PLGRKT: variants seen among roughly 807,000 people sequenced by gnomAD.
PLGRKT encodes the protein plasminogen receptor (KT).
A neutral mutation model predicts 18.5 loss-of-function variants in PLGRKT; 22 were observed. The observed-to-expected ratio is 1.19, with a 90% CI of 0.85 to 1.70. PLGRKT has a LOEUF of 1.70. PLGRKT is among the 40% of genes most tolerant of loss of function. The pLI is 0.00. For missense variants in PLGRKT, 235 were observed against 174.4 expected (o/e 1.35, Z -1.96); for synonymous variants, 72 against 52.8 (o/e 1.36, Z -1.58).
chr9:5,387,055 T>C (rs78673753), intron 3 of PLGRKT, among the ~76,000 whole-genome samples: 1 of 151,974 alleles, frequency 6.6e-6, no homozygotes, highest in African/African-American at 2.4e-5. Flanking sequence ...CTTTAATGTG[T>C]GTGTGAATCA....
intron 3 of PLGRKT, among the ~76,000 whole-genome samples, chr9:5,375,547 G>C (rs1335502946): frequency 6.6e-6 from 1 of 152,138 alleles, no homozygotes; most frequent in Non-Finnish European, 1.5e-5. Flanking sequence ...TAATCTTAGA[G>C]AGGCAAAGAT....
chr9:5,405,590 A>T (rs755705461), intron 3 of PLGRKT, among the ~76,000 whole-genome samples: 4 of 152,142 alleles, frequency 2.6e-5, no homozygotes, highest in Non-Finnish European at 5.9e-5. Flanking sequence ...CCTTCCTTAC[A>T]CCCTATAAAA....
chr9:5,381,441 C>T (rs1317186664), intron 3 of PLGRKT, among the ~76,000 whole-genome samples: 2 of 152,252 alleles, frequency 1.3e-5, no homozygotes, highest in Non-Finnish European at 2.9e-5. Flanking sequence ...CAAACCTTGA[C>T]AGCTTCCACG....
rs554323901 is a variant in PLGRKT, at chr9:5,367,023, A to G, written c.82-5135T>C. 1.6e-4 allele frequency among the ~76,000 whole-genome samples: 10 copies of G among 63,816 alleles called. No individual in the cohort carries two copies. In the East Asian group the frequency reaches 2.8e-3, roughly 18 times the overall value. 41.9% of individuals were successfully genotyped at this position (63,816 alleles called of 152,430 possible). Reference sequence around the variant, plus strand: ...CCATTTACAACAGACAGACAGATACACACACATACACACACACACACACAC... The same window carrying G: ...CCATTTACAACAGACAGACAGATACGCACACATACACACACACACACACAC... On this transcript the variant is annotated intron_variant, in intron 3 of 5. Transcript: ENST00000223864.
At chr9:5,359,818 G>A (rs1817223527) in intron 5 of PLGRKT, among the ~76,000 whole-genome samples, 4 of 152,118 alleles carry the variant, frequency 2.6e-5, no homozygotes, top group Admixed American at 2.6e-4. Flanking sequence ...CAGTATGCTG[G>A]TGAATATTTA....
Position 5,418,406 on chromosome 9 carries a change from A to G in PLGRKT, c.81+13491T>C, listed in dbSNP as rs951017886. ...GTCACAGTCAAGCGCTTAGAAATGCAGGACATGTTATGGAGCACGATGCTG... is the reference window on the plus strand; with the variant it reads ...GTCACAGTCAAGCGCTTAGAAATGCGGGACATGTTATGGAGCACGATGCTG... On this transcript the variant is annotated intron_variant, in intron 3 of 5. Coordinates refer to ENST00000223864, the MANE Select transcript of PLGRKT (RefSeq NM_018465.4). This position sits in a 1 kb window ranked among gnomAD's most constrained non-coding sequence, Gnocchi z 4.2. The G allele has an allele frequency of 1.2e-6, 1 of 831,744 alleles. No individual in the cohort carries two copies. The highest frequency in any genetic ancestry group is 2.1e-6 in the Non-Finnish European group (1 of 482,438). The allele number at this position is 831,744 out of a possible 1,614,324, so 51.5% of individuals were successfully genotyped here.
chr9:5,422,254 C>T (rs10975109), intron 3 of PLGRKT, among the ~76,000 whole-genome samples: 1 of 152,114 alleles, frequency 6.6e-6, no homozygotes, highest in East Asian at 1.9e-4. Flanking sequence ...GTCGATATGA[C>T]TAAAGGTAAG....
chr9:5,401,931 G>A (rs1396931153), intron 3 of PLGRKT, among the ~76,000 whole-genome samples: 1 of 151,890 alleles, frequency 6.6e-6, no homozygotes. Context: ...TTGGTCAACA[G>A]ACACTTGTCT....
chr9:5,428,927 C>T (rs1475787056), intron 3 of PLGRKT, among the ~76,000 whole-genome samples: 1 of 152,128 alleles, frequency 6.6e-6, no homozygotes, highest in Non-Finnish European at 1.5e-5. Context: ...GTCTTGAATT[C>T]TTGGGCTCAA....
intron 3 of PLGRKT, 58 bp downstream of exon 3, chr9:5,431,839 T>C: frequency 3.7e-6 from 3 of 810,638 alleles, no homozygotes; most frequent in Non-Finnish European, 4.3e-6. Context: ...CTGGAGTACA[T>C]GTGGTAGAAA....
chr9:5,401,160 T>C (rs1489215554), intron 3 of PLGRKT, among the ~76,000 whole-genome samples: 2 of 151,880 alleles, frequency 1.3e-5, no homozygotes, highest in Non-Finnish European at 2.9e-5. Context: ...TTTTCAAGTA[T>C]ACAAGCTTAG....
At chr9:5,386,125 A>G (rs547441463) in intron 3 of PLGRKT, among the ~76,000 whole-genome samples, 2 of 152,032 alleles carry the variant, frequency 1.3e-5, no homozygotes, top group South Asian at 2.1e-4. Flanking sequence ...CATTGATGTC[A>G]GTAAGAAGTC....
chr9:5,424,891 G>A (rs1033239646), intron 3 of PLGRKT, among the ~76,000 whole-genome samples: 2 of 151,086 alleles, frequency 1.3e-5, no homozygotes, highest in African/African-American at 2.4e-5. Flanking sequence ...GATTATAGGC[G>A]TGAGCTACCC....
intron 3 of PLGRKT, among the ~76,000 whole-genome samples, chr9:5,369,720 A>C (rs1817476059): frequency 6.6e-6 from 1 of 152,232 alleles, no homozygotes; most frequent in Non-Finnish European, 1.5e-5. Context: ...GGCTAAAGAA[A>C]ATGTGGCACA....
intron 3 of PLGRKT, among the ~76,000 whole-genome samples, chr9:5,394,152 G>A (rs774247097): frequency 9.9e-5 from 15 of 151,812 alleles, no homozygotes; most frequent in African/African-American, 2.9e-4. Flanking sequence ...AAGTTTCAAA[G>A]GCAAAATGAT....
At position 5,418,680 on chromosome 9, in the gene PLGRKT, G is replaced by GTAGC; in HGVS notation, c.81+13213_81+13216dup. 1.5e-6 allele frequency: 1 copy of GTAGC among 668,878 alleles called. No homozygotes were observed. The highest frequency in any genetic ancestry group is 2.8e-5 in the East Asian group (1 of 35,730). 41.4% of individuals were successfully genotyped at this position (668,878 alleles called of 1,614,324 possible). ...CCTTGGAGATGGGCAGGGGCAGCATGTAGCACCCACTGCCGGGAAGTCTGA... is the reference window on the plus strand; with the variant it reads ...CCTTGGAGATGGGCAGGGGCAGCATGTAGCTAGCACCCACTGCCGGGAAGTCTGA... On this transcript the variant is annotated intron_variant, in intron 3 of 5. Transcript: ENST00000223864. This position sits in a 1 kb window ranked among gnomAD's most constrained non-coding sequence, Gnocchi z 4.2.
chr9:5,390,425 A>G (rs1038036840), intron 3 of PLGRKT, among the ~76,000 whole-genome samples: 4 of 151,610 alleles, frequency 2.6e-5, no homozygotes, highest in Admixed American at 1.3e-4. Context: ...TCAGGCAGAG[A>G]GAGTCAAAGA....
At chr9:5,384,541 T>C (rs1196978246) in intron 3 of PLGRKT, among the ~76,000 whole-genome samples, 2 of 152,136 alleles carry the variant, frequency 1.3e-5, no homozygotes, top group African/African-American at 4.8e-5. Flanking sequence ...CAAAATTTCA[T>C]TTAAAATCTT....
intron 3 of PLGRKT, among the ~76,000 whole-genome samples, chr9:5,372,152 T>C (rs1165044391): frequency 6.6e-6 from 1 of 151,816 alleles, no homozygotes; most frequent in Non-Finnish European, 1.5e-5. Flanking sequence ...CAGCTAATTT[T>C]TGTATTTTTA....
Sources: gnomAD v4.1 joint callset for allele counts (sites outside exome capture counted in the v4.1 genomes callset) on GRCh38, gnomAD v4.1.1 for gene constraint, Gnocchi (gnomAD v3.1) non-coding constraint, MANE v1.5 for transcripts, NCBI Gene and HGNC (gene_info 2026-07-23, HGNC 2026-07-21) for gene names.